Variants in PUM1 observed in about 807,000 individuals in gnomAD.
PUM1 encodes the protein pumilio homolog 1.
Under a neutral mutation model 131.8 loss-of-function variants are expected in PUM1, and 13 were observed. The observed-to-expected ratio is 0.10, with a 90% CI of 0.06 to 0.16. The LOEUF (loss-of-function observed/expected upper bound fraction) is 0.16. PUM1 is among the 10% of genes least tolerant of loss of function. The probability of loss-of-function intolerance (pLI) is 1.00; values close to 1 mark genes in which losing one functional copy is unlikely to be tolerated. For synonymous variants in PUM1, 509 were observed against 556.5 expected, an observed-to-expected ratio of 0.91 and a Z score of 1.20; for missense variants, 961 against 1,512.4, an observed-to-expected ratio of 0.64 and a Z score of 6.05.
rs1641071816 is a variant in PUM1, at chr1:30,974,869, T to C, written c.1355-67A>G. The C allele has an allele frequency of 9.2e-6, 12 of 1,301,206 alleles. 1 individual carries two copies. In the South Asian group the frequency reaches 1.4e-4, roughly 15 times the overall value. 80.6% of individuals were successfully genotyped at this position (1,301,206 alleles called of 1,614,324 possible). On this transcript the variant is annotated intron_variant, in intron 9 of 21. Transcript: ENST00000426105. ...GAGGCTCATCTCAGCCTTTCCAAAA[T>C]TACATCTGACTCAATAGATCCTACT...
Position 30,941,157 on chromosome 1 carries a change from A to T in PUM1, c.3236T>A (p.Phe1079Tyr), listed in dbSNP as rs777524514. 1.2e-6 allele frequency: 2 copies of T among 1,613,272 alleles called. No homozygotes were observed. The highest frequency in any genetic ancestry group is 2.2e-5 in the South Asian group (2 of 90,980). ...GNVLVLSQHK[F>Y]ASNVVEKCVT... Reference sequence around the variant, plus strand: ...TGTAACTCAAAGCACGTACCTTGCAAATTTGTGCTGACTCAATACAAGTAC... The same window carrying T: ...TGTAACTCAAAGCACGTACCTTGCATATTTGTGCTGACTCAATACAAGTAC... The change falls in exon 20 of 22, where the codon TTT becomes TAT. Residue 1079 changes from phenylalanine (F) to tyrosine (Y), a missense_variant. Coordinates refer to ENST00000426105, the MANE Select transcript of PUM1 (RefSeq NM_001020658.2).
intron 2 of PUM1, chr1:31,050,879 A>G: frequency 4.0e-6 from 1 of 251,244 alleles, no homozygotes; most frequent in East Asian, 1.1e-4. Context: ...AAGATGGGTC[A>G]CCAGCAGCTC....
intron 3 of PUM1, among the ~76,000 whole-genome samples, chr1:31,013,879 CTGATAT>C (rs1448245302): frequency 1.1e-4 from 16 of 152,164 alleles, no homozygotes; most frequent in Admixed American, 2.0e-4. Flanking sequence ...AAGAACTATA[CTGATAT>C]TAAGTTATAC....
chr1:31,052,560 T>C (rs1370752784), intron 2 of PUM1, among the ~76,000 whole-genome samples: 1 of 151,984 alleles, frequency 6.6e-6, no homozygotes, highest in Non-Finnish European at 1.5e-5. Flanking sequence ...AGATACAGTG[T>C]CTCACTATAT....
Position 30,936,781 on chromosome 1 carries a change from G to T in PUM1, c.3297C>A (p.Leu1099=). The change falls in exon 21 of 22, where the codon CTC becomes CTA. Residue 1099 remains leucine, a synonymous_variant. Transcript: ENST00000426105. ...CGTTCATGGTGCACACCTCATCGAT[G>T]AGCACAGCGCGCTCCGTACGTGAGG... The part of the protein sequence containing the change: ...THASRTERAV[L]IDEVCTMNDG... 6.2e-7 allele frequency: 1 copy of T among 1,614,026 alleles called. No homozygotes were observed. The highest frequency in any genetic ancestry group is 8.5e-7 in the Non-Finnish European group (1 of 1,179,878).
Position 31,021,896 on chromosome 1 carries a change from C to G in PUM1, c.432+6900G>C, listed in dbSNP as rs374608062. On this transcript the variant is annotated intron_variant, in intron 3 of 21. Transcript: ENST00000426105. ...ATTTGAGTTATAAGAGATCTGGGTT[C>G]AAACAGAGGCTTAATGATTACATTA... Among the ~76,000 whole-genome samples the G allele has an allele frequency of 3.3e-5, 5 of 151,764 alleles. No individual in the cohort carries two copies. The East Asian group carries it at 5.8e-4, about 18-fold the overall frequency.
At chr1:30,955,738 G>T (rs1355331704) in intron 14 of PUM1, among the ~76,000 whole-genome samples, 2 of 152,128 alleles carry the variant, frequency 1.3e-5, no homozygotes, top group African/African-American at 4.8e-5. Flanking sequence ...CTGGTTTGGG[G>T]TTTAATGGTA....
At chr1:31,028,730 G>C in intron 3 of PUM1, 66 bp downstream of exon 3, 1 of 1,256,464 alleles carries the variant, frequency 8.0e-7, no homozygotes, top group Non-Finnish European at 1.2e-6. Flanking sequence ...GGACACATTT[G>C]ATGAAAGACA....
intron 3 of PUM1, among the ~76,000 whole-genome samples, chr1:31,008,329 C>G (rs1036840031): frequency 1.3e-5 from 2 of 152,010 alleles, no homozygotes; most frequent in South Asian, 2.1e-4. Flanking sequence ...ACTGCCTGGA[C>G]CAAAGCAGTT....
rs772783920 is a variant in PUM1, at chr1:31,007,011, C to T, written c.524G>A (p.Ser175Asn). 6.2e-7 allele frequency: 1 copy of T among 1,613,610 alleles called. No individual in the cohort carries two copies. Among genetic ancestry groups the T allele is most frequent in the Non-Finnish European group, 8.5e-7 (1 of 1,179,546 alleles). ...TAGATTACCTGATGTTCCCCAGGCA[C>T]TGTCTCGCCATTGATCACCCAGGAA... ...GIFLGDQWRD[S>N]AWGTSDHSVS... is the part of the protein sequence containing the mutation. The change falls in exon 4 of 22, where the codon AGT (serine) becomes AAT (asparagine). Residue 175 changes from serine to asparagine, a missense_variant. Ser to Asn is a conservative substitution (Grantham distance 46). Around this residue, in one of 4 missense-constraint regions of PUM1, gnomAD observed 654 missense variants for 923.9 expected, o/e 0.71. Transcript: ENST00000426105.
chr1:31,038,958 T>TTATATATATATATATATATATA (rs200492434), intron 2 of PUM1, among the ~76,000 whole-genome samples: 6 of 43,958 alleles, frequency 1.4e-4, no homozygotes, highest in African/African-American at 3.5e-4. Context: ...TTTTAAAATT[T>TTATATATATATATATATATATA]TATATATATA....
chr1:31,030,590 G>A (rs1037986815), intron 2 of PUM1, among the ~76,000 whole-genome samples: 9 of 151,998 alleles, frequency 5.9e-5, no homozygotes, highest in African/African-American at 2.2e-4. Flanking sequence ...GCACGCCTAT[G>A]GTCCCAGCTA....
intron 3 of PUM1, 92 bp downstream of exon 3, chr1:31,028,704 T>C: frequency 9.4e-7 from 1 of 1,067,666 alleles, no homozygotes; most frequent in South Asian, 1.3e-5. Flanking sequence ...AGCACATATT[T>C]CTGGAGACTA....
At chr1:31,014,238 C>T (rs566083109) in intron 3 of PUM1, among the ~76,000 whole-genome samples, 2 of 144,548 alleles carry the variant, frequency 1.4e-5, no homozygotes, top group South Asian at 2.2e-4. Flanking sequence ...GAGGTCAAGG[C>T]TGCAGTGAGC....
intron 5 of PUM1, among the ~76,000 whole-genome samples, chr1:31,001,254 A>T (rs1401894560): frequency 6.6e-6 from 1 of 152,196 alleles, no homozygotes; most frequent in Non-Finnish European, 1.5e-5. Context: ...CTGTAGTCCC[A>T]GCTACTGGGG....
intron 2 of PUM1, among the ~76,000 whole-genome samples, chr1:31,054,483 A>G (rs1644190234): frequency 6.6e-6 from 1 of 151,088 alleles, no homozygotes; most frequent in African/African-American, 2.4e-5. Flanking sequence ...CACTAGTGAA[A>G]GCATCCTGCC....
At chr1:31,059,909 C>T (rs1054379183) in intron 1 of PUM1, among the ~76,000 whole-genome samples, 30 of 151,752 alleles carry the variant, frequency 2.0e-4, no homozygotes, top group African/African-American at 6.3e-4. Context: ...TGCAATGACG[C>T]GATCTCGGCT....
At chr1:31,054,568 G>T in intron 2 of PUM1, among the ~76,000 whole-genome samples, 1 of 146,944 alleles carries the variant, frequency 6.8e-6, no homozygotes, top group East Asian at 2.0e-4. Flanking sequence ...AGGCCCAGTG[G>T]TAGGGTAGAA....
At chr1:31,040,998 A>G (rs1033439548) in intron 2 of PUM1, among the ~76,000 whole-genome samples, 19 of 152,198 alleles carry the variant, frequency 1.2e-4, no homozygotes, top group African/African-American at 4.6e-4. Context: ...CAGTGAGAAG[A>G]CTACTGAACA....
Sources: allele counts gnomAD v4.1 joint callset (sites outside exome capture counted in the v4.1 genomes callset), GRCh38; gene constraint gnomAD v4.1.1; regional missense constraint gnomAD v4.1.1; transcripts MANE v1.5; gene names NCBI Gene and HGNC (gene_info 2026-07-23, HGNC 2026-07-21).